DYNC1I1: variants seen among roughly 807,000 people sequenced by gnomAD.
DYNC1I1 encodes dynein cytoplasmic 1 intermediate chain 1, also known as cytoplasmic dynein 1 intermediate chain 1.
In DYNC1I1, 43 loss-of-function variants were observed where a neutral mutation model predicts 86.6. The observed-to-expected ratio is 0.50, with a 90% CI of 0.39 to 0.64. The LOEUF (loss-of-function observed/expected upper bound fraction) is 0.64. DYNC1I1 is among the 30% of genes least tolerant of loss of function. DYNC1I1 has a pLI of 0.00. For synonymous variants in DYNC1I1, 262 were observed against 283.7 expected, an observed-to-expected ratio of 0.92 and a Z score of 0.77; for missense variants, 604 against 788.8, an observed-to-expected ratio of 0.77 and a Z score of 2.81.
intron 6 of DYNC1I1, among the ~76,000 whole-genome samples, chr7:95,963,035 A>G (rs993285274): frequency 2.0e-5 from 3 of 152,130 alleles, no homozygotes; most frequent in African/African-American, 4.8e-5. Context: ...TCTCTGATCT[A>G]CCTGCCATTC....
intron 1 of DYNC1I1, among the ~76,000 whole-genome samples, chr7:95,792,440 T>C (rs1794328819): frequency 6.6e-6 from 1 of 152,210 alleles, no homozygotes. Flanking sequence ...GGGTGCATCC[T>C]TATCTCTGAA....
chr7:95,959,898 C>A lies in DYNC1I1; in HGVS notation c.491-17614C>A, dbSNP rs575809327. On this transcript the variant is annotated intron_variant, in intron 6 of 16. Transcript: ENST00000447467. ...TCCCCGAGCCCAGGAAGTCCAACTG[C>A]AAAGTTGATATTCCTAACCATTTTA... Among the ~76,000 whole-genome samples, 4 of 152,252 alleles carry A rather than the reference C, an allele frequency of 2.6e-5. No individual in the cohort carries two copies. In the East Asian group the frequency reaches 5.8e-4, roughly 22 times the overall value.
At chr7:95,876,241 C>T (rs182216432) in intron 6 of DYNC1I1, among the ~76,000 whole-genome samples, 374 of 152,322 alleles carry the variant, frequency 2.5e-3, no homozygotes, top group Admixed American at 4.1e-3. Context: ...AACTTTGTCT[C>T]TTCTTCCGAA....
chr7:96,029,770 G>T (rs989487247), intron 11 of DYNC1I1, among the ~76,000 whole-genome samples: 8 of 152,002 alleles, frequency 5.3e-5, no homozygotes, highest in African/African-American at 1.9e-4. Flanking sequence ...AAGTAGCTGG[G>T]TGTGGTGGTG....
downstream of DYNC1I1, among the ~76,000 whole-genome samples, chr7:96,102,884 C>A (rs140514540): frequency 2.1e-4 from 32 of 152,198 alleles, no homozygotes; most frequent in Non-Finnish European, 1.0e-4. Context: ...AAGTTCTTTG[C>A]CATAGGATAT....
intron 5 of DYNC1I1, among the ~76,000 whole-genome samples, chr7:95,846,619 C>CTGTG (rs1486874846): frequency 4.8e-5 from 5 of 105,034 alleles, no homozygotes; most frequent in East Asian, 8.2e-4. Context: ...AATGATAAAT[C>CTGTG]TCTCTCTCTG....
At chr7:95,861,612 T>C (rs1237418144) in intron 5 of DYNC1I1, among the ~76,000 whole-genome samples, 2 of 87,692 alleles carry the variant, frequency 2.3e-5, no homozygotes, top group East Asian at 5.4e-4. Context: ...AGCTCTCTTT[T>C]TGCAATTTTT....
rs3047672 is a variant in DYNC1I1, at chr7:96,077,239, T to TTGTGTGTGTG, written c.1650+1071_1650+1080dup. Among the ~76,000 whole-genome samples, 984 of 144,528 alleles carry TTGTGTGTGTG rather than the reference T, an allele frequency of 6.8e-3. 10 individuals carry two copies. Among genetic ancestry groups the TTGTGTGTGTG allele is most frequent in the African/African-American group, 0.021 (804 of 38,776 alleles). 94.8% of individuals were successfully genotyped at this position (144,528 alleles called of 152,430 possible). ...GAGGAGGAGCACACTTCCCTAGTAT[T>TTGTGTGTGTG]TGTGTGTGTGTGTGTGTGTGTGTGT... On this transcript the variant is annotated intron_variant, in intron 15 of 16. Transcript: ENST00000447467.
chr7:96,043,759 A>G (rs556176483), intron 14 of DYNC1I1, among the ~76,000 whole-genome samples: 64 of 151,962 alleles, frequency 4.2e-4, no homozygotes, highest in Admixed American at 9.2e-4. Flanking sequence ...TGACCACACT[A>G]GAGTGCAGTG....
chr7:95,939,102 T>C (rs905150612), intron 6 of DYNC1I1, among the ~76,000 whole-genome samples: 1 of 152,074 alleles, frequency 6.6e-6, no homozygotes, highest in Non-Finnish European at 1.5e-5. Context: ...TGTAGTTGAG[T>C]GGTTTTGAGT....
At chr7:95,986,023 C>CGTGTGTGTGT (rs3138829) in intron 8 of DYNC1I1, among the ~76,000 whole-genome samples, 9,194 of 132,558 alleles carry the variant, frequency 0.069, 441 homozygotes, top group South Asian at 0.082. Flanking sequence ...CCTGGCAGGA[C>CGTGTGTGTGT]GTGTGTGTGT....
intron 6 of DYNC1I1, among the ~76,000 whole-genome samples, chr7:95,908,779 A>G (rs775558927): frequency 2.6e-4 from 40 of 151,980 alleles, no homozygotes; most frequent in Non-Finnish European, 5.7e-4. Context: ...AGTGCTCGGC[A>G]GGGCATCCCC....
intron 10 of DYNC1I1, among the ~76,000 whole-genome samples, chr7:96,024,573 C>T (rs1166688573): frequency 1.3e-5 from 2 of 151,996 alleles, no homozygotes; most frequent in African/African-American, 2.4e-5. Flanking sequence ...TTTCATTTGT[C>T]TGCATTTTAT....
At chr7:96,029,190 C>T (rs1794751895) in intron 11 of DYNC1I1, among the ~76,000 whole-genome samples, 2 of 152,134 alleles carry the variant, frequency 1.3e-5, no homozygotes, top group Non-Finnish European at 2.9e-5. Flanking sequence ...ATCTCCTACT[C>T]TTGTAAGATT....
intron 6 of DYNC1I1, among the ~76,000 whole-genome samples, chr7:95,916,317 T>C (rs1015870154): frequency 2.0e-5 from 3 of 152,226 alleles, no homozygotes; most frequent in East Asian, 3.8e-4. Flanking sequence ...GGCGAGCTTT[T>C]CTTCGCCTTA....
intron 14 of DYNC1I1, among the ~76,000 whole-genome samples, chr7:96,050,974 AT>A (rs1789388632): frequency 1.3e-5 from 2 of 152,182 alleles, no homozygotes; most frequent in Non-Finnish European, 2.9e-5. Context: ...AGCACATTAA[AT>A]TTCCTGTCCA....
intron 6 of DYNC1I1, among the ~76,000 whole-genome samples, chr7:95,879,272 A>G (rs976152936): frequency 6.6e-5 from 10 of 152,198 alleles, no homozygotes; most frequent in Non-Finnish European, 1.5e-4. Context: ...TATACCAATA[A>G]TTGTATTATT....
chr7:95,915,913 T>C (rs1791456596), intron 6 of DYNC1I1, among the ~76,000 whole-genome samples: 2 of 152,316 alleles, frequency 1.3e-5, no homozygotes, highest in South Asian at 2.1e-4. Context: ...CTGCGCTTGG[T>C]AGTCTTTTCA....
chr7:95,948,751 A>G (rs1203363289), intron 6 of DYNC1I1, among the ~76,000 whole-genome samples: 1 of 152,194 alleles, frequency 6.6e-6, no homozygotes, highest in Non-Finnish European at 1.5e-5. Flanking sequence ...TATTCTTCCA[A>G]AACAAGTGGG....
Sources: gnomAD v4.1 joint callset for allele counts (sites outside exome capture counted in the v4.1 genomes callset) on GRCh38, gnomAD v4.1.1 for gene constraint, MANE v1.5 for transcripts, NCBI Gene and HGNC (gene_info 2026-07-23, HGNC 2026-07-21) for gene names.